The following MSH5 variants were observed in gnomAD, a reference collection of about 807,000 sequenced individuals.
MSH5 encodes the protein mutS protein homolog 5.
A neutral mutation model predicts 107.7 loss-of-function variants in MSH5; 78 were observed. The observed-to-expected ratio is 0.72, with a 90% CI of 0.60 to 0.87. The LOEUF (loss-of-function observed/expected upper bound fraction) is 0.87, where lower values mean the gene tolerates loss of function less well. Among genes scored for constraint, MSH5 ranks in the 40% least tolerant of loss-of-function variants. MSH5 has a pLI of 0.00. For missense variants in MSH5, 889 were observed against 1,046.6 expected, an observed-to-expected ratio of 0.85 and a Z score of 2.08; for synonymous variants, 326 against 399.5, an observed-to-expected ratio of 0.82 and a Z score of 2.19.
At chr6:31,756,319 ACACCAC>A (rs1298420075) in intron 12 of MSH5, among the ~76,000 whole-genome samples, 1 of 151,400 alleles carries the variant, frequency 6.6e-6, no homozygotes, top group African/African-American at 2.4e-5. Context: ...TTACAGGCGC[ACACCAC>A]CACGCCCAGC....
chr6:31,749,539 C>T (rs1809769128), intron 10 of MSH5, among the ~76,000 whole-genome samples: 1 of 149,600 alleles, frequency 6.7e-6, no homozygotes, highest in Admixed American at 6.7e-5. Flanking sequence ...GAGATTCTGT[C>T]TTAAAAAAAA....
Position 31,761,880 on chromosome 6 carries a change from T to C in MSH5, c.2244T>C (p.Val748=), listed in dbSNP as rs1454459787. The C allele has an allele frequency of 1.2e-6, 2 of 1,613,062 alleles. No individual in the cohort carries two copies. Among genetic ancestry groups the C allele is most frequent in the Non-Finnish European group, 8.5e-7 (1 of 1,179,994 alleles). ...LVFFYQVCEG[V]AKASHASHTA... is the part of the protein sequence containing the mutation. ...TCTTCTATCAGGTTTGCGAAGGTGTTGCGAAGGCCAGCCATGCCTCCCACA... is the reference window on the plus strand; with the variant it reads ...TCTTCTATCAGGTTTGCGAAGGTGTCGCGAAGGCCAGCCATGCCTCCCACA... Residue 748 remains valine, a synonymous_variant, in exon 23 of 25, where the codon GTT becomes GTC. Transcript: ENST00000375750. This position sits in a 1 kb window ranked among gnomAD's most constrained non-coding sequence, Gnocchi z 5.3.
intron 7 of MSH5, 89 bp from the exon 8 acceptor site, chr6:31,744,457 C>G: frequency 6.4e-7 from 1 of 1,561,876 alleles, no homozygotes; most frequent in South Asian, 1.1e-5. Context: ...GGGAAGAAGA[C>G]TGGGACAATA....
rs2151379127 is a variant in MSH5 at position 31,760,698 on chromosome 6, G to C, written c.1821G>C (p.Leu607Phe). 3.1e-6 allele frequency: 5 copies of C among 1,613,006 alleles called. No individual in the cohort carries two copies. In the East Asian group the frequency reaches 1.1e-4, roughly 36 times the overall value. ...TCTCCTTCCCTATTCAGGTAGGCTT[G>C]ATCACATTCATGGCCCTGGTAGGCA... is the stretch of plus-strand genomic sequence containing the variant. ...GKSIYLKQVG[L>F]ITFMALVGSF... Residue 607 changes from leucine to phenylalanine, a missense_variant, in exon 20 of 25, where the codon TTG becomes TTC. Physicochemically the swap from Leu to Phe is conservative, Grantham distance 22. Coordinates refer to ENST00000375750, the MANE Select transcript of MSH5 (RefSeq NM_172166.4). The surrounding 1 kb of genome is among the most constrained non-coding windows in gnomAD (Gnocchi z 5.6).
At chr6:31,748,376 T>G (rs1267320065) in intron 10 of MSH5, among the ~76,000 whole-genome samples, 3 of 149,844 alleles carry the variant, frequency 2.0e-5, no homozygotes, top group African/African-American at 7.4e-5. Context: ...GTGACTGAGT[T>G]TCGCTCTTGT....
At position 31,742,862 on chromosome 6, in the gene MSH5, T is replaced by C. The variant is rs946989083; in HGVS notation, c.272-15T>C. 1.2e-6 allele frequency: 2 copies of C among 1,612,358 alleles called. No individual in the cohort carries two copies. The highest frequency in any genetic ancestry group is 2.7e-5 in the African/African-American group (2 of 74,930). ...AAGATCCTTTAACTCATTTGATCTC[T>C]GTTCTCCTTCCAAGTTCTGGATGAG... On this transcript the variant is annotated splice_polypyrimidine_tract_variant and intron_variant, in intron 3 of 24. Coordinates refer to ENST00000375750, the MANE Select transcript of MSH5 (RefSeq NM_172166.4).
intron 12 of MSH5, chr6:31,757,890 G>A (rs536694172): frequency 1.8e-5 from 9 of 495,714 alleles, no homozygotes; most frequent in South Asian, 1.4e-4. Flanking sequence ...GGCTGATCTC[G>A]AACTCCTGAC....
chr6:31,749,557 T>C (rs965194799), intron 10 of MSH5, among the ~76,000 whole-genome samples: 44 of 151,334 alleles, frequency 2.9e-4, no homozygotes, highest in African/African-American at 1.0e-3. Context: ...AAAAAAAAAG[T>C]GCATCCTCTT....
At position 31,759,344 on chromosome 6, in the gene MSH5, C is replaced by A; in HGVS notation, c.1408-81C>A. 6.7e-7 allele frequency: 1 copy of A among 1,485,200 alleles called. No individual in the cohort carries two copies. The highest frequency in any genetic ancestry group is 9.4e-7 in the Non-Finnish European group (1 of 1,067,060). The allele number at this position is 1,485,200 out of a possible 1,614,324, so 92.0% of individuals were successfully genotyped here. On this transcript the variant is annotated intron_variant, in intron 16 of 24. Transcript: ENST00000375750. The surrounding 1 kb of genome is among the most constrained non-coding windows in gnomAD (Gnocchi z 4.7). ...AGGAAAGAGAAGTCAGAGTTAGGGG[C>A]TGGAGGTGGGGTTAGAAAGATGGGG...
chr6:31,741,403 G>C (rs1808890448), intron 3 of MSH5, 117 bp downstream of exon 3: 1 of 1,382,916 alleles, frequency 7.2e-7, no homozygotes, highest in Non-Finnish European at 9.8e-7. Context: ...TTTCTAGACA[G>C]AGTCTTGCTC....
rs143881609 is a variant in MSH5 at position 31,762,007 on chromosome 6, C to A, written c.2319+52C>A. 872 of 1,613,116 alleles carry A rather than the reference C, an allele frequency of 5.4e-4. 12 individuals are homozygous for A. The African/African-American group carries it at 0.01, about 19-fold the overall frequency. On this transcript the variant is annotated intron_variant, in intron 23 of 24. Transcript: ENST00000375750. ...CTCCACATCAGAGCTCCCTTTCATT[C>A]CTAGTCCTACTGGGCCTGGGTCTAG...
Position 31,759,684 on chromosome 6 carries a change from G to T in MSH5, c.1496-102G>T. The T allele has an allele frequency of 7.0e-7, 1 of 1,424,418 alleles. No homozygotes were observed. Among genetic ancestry groups the T allele is most frequent in the Non-Finnish European group, 9.7e-7 (1 of 1,033,800 alleles). The allele number at this position is 1,424,418 out of a possible 1,614,324, so 88.2% of individuals were successfully genotyped here. On this transcript the variant is annotated intron_variant, in intron 17 of 24. Coordinates refer to ENST00000375750, the MANE Select transcript of MSH5 (RefSeq NM_172166.4). The surrounding 1 kb of genome is among the most constrained non-coding windows in gnomAD (Gnocchi z 4.7). ...TTCCTCTGAATGTCTTGAGGTCTCAGATTGTATCTGCAACCTGTTTCCAGA... is the reference window on the plus strand; with the variant it reads ...TTCCTCTGAATGTCTTGAGGTCTCATATTGTATCTGCAACCTGTTTCCAGA...
rs1320234771 is a variant in MSH5 at position 31,759,638 on chromosome 6, C to A, written c.1495+126C>A. On this transcript the variant is annotated intron_variant, in intron 17 of 24. Transcript: ENST00000375750. The surrounding 1 kb of genome is among the most constrained non-coding windows in gnomAD (Gnocchi z 4.7). ...CCCCTCCTCTTCCTGCTCTCTGTCT[C>A]GCTCACTCTGACTCTATCTTTTCCT... is the stretch of plus-strand genomic sequence containing the variant. 7.5e-7 allele frequency: 1 copy of A among 1,339,928 alleles called. No individual in the cohort carries two copies. Among genetic ancestry groups the A allele is most frequent in the East Asian group, 2.4e-5 (1 of 42,342 alleles). The allele number at this position is 1,339,928 out of a possible 1,614,324, so 83.0% of individuals were successfully genotyped here.
At chr6:31,756,084 C>G (rs1810422873) in intron 12 of MSH5, among the ~76,000 whole-genome samples, 1 of 151,062 alleles carries the variant, frequency 6.6e-6, no homozygotes, top group Non-Finnish European at 1.5e-5. Flanking sequence ...AGTAGAGGAA[C>G]ATAATGTCTG....
At position 31,758,701 on chromosome 6, in the gene MSH5, G is replaced by A; in HGVS notation, c.1217-65G>A. On this transcript the variant is annotated intron_variant, in intron 14 of 24. Coordinates refer to ENST00000375750, the MANE Select transcript of MSH5 (RefSeq NM_172166.4). The surrounding 1 kb of genome is among the most constrained non-coding windows in gnomAD (Gnocchi z 5.1). ...CTTGGCAGGTGGTCACCACAGCTGG[G>A]GATCTTCATAGCAACCAGGGCAGGA... 1.2e-6 allele frequency: 2 copies of A among 1,609,460 alleles called. No individual in the cohort carries two copies. The highest frequency in any genetic ancestry group is 8.5e-7 in the Non-Finnish European group (1 of 1,175,892).
intron 10 of MSH5, among the ~76,000 whole-genome samples, chr6:31,748,797 T>A (rs1050309657): frequency 6.6e-6 from 1 of 152,162 alleles, no homozygotes; most frequent in Non-Finnish European, 1.5e-5. Flanking sequence ...CAGACTCACC[T>A]TCCAAAGCCC....
Position 31,761,107 on chromosome 6 carries a change from G to T in MSH5, c.1963-81G>T. On this transcript the variant is annotated intron_variant, in intron 20 of 24. Coordinates refer to ENST00000375750, the MANE Select transcript of MSH5 (RefSeq NM_172166.4). The surrounding 1 kb of genome is among the most constrained non-coding windows in gnomAD (Gnocchi z 5.3). Reference sequence around the variant, plus strand: ...GTGCAGTAGGGAGGGCATGTATACAGCTTTATTCACAGGCCAACTGTGGTC... The same window carrying T: ...GTGCAGTAGGGAGGGCATGTATACATCTTTATTCACAGGCCAACTGTGGTC... 7.2e-7 allele frequency: 1 copy of T among 1,389,176 alleles called. No individual in the cohort carries two copies. The highest frequency in any genetic ancestry group is 2.4e-5 in the East Asian group (1 of 41,560). 86.1% of individuals were successfully genotyped at this position (1,389,176 alleles called of 1,614,324 possible). A position where few individuals can be genotyped will look rare whatever the true frequency, so the allele number is the denominator to read the frequency against.
chr6:31,761,826 G>A lies in MSH5; in HGVS notation c.2190G>A (p.Glu730=), dbSNP rs772538587. 2 of 1,613,062 alleles carry A rather than the reference G, an allele frequency of 1.2e-6. No individual in the cohort carries two copies. The highest frequency in any genetic ancestry group is 4.5e-5 in the East Asian group (2 of 44,876). ...QGPLVQYLTM[E]TCEDGNDLVF... The stretch of plus-strand genomic sequence containing the variant: ...TTTTATTCTCTTTTAAGACCATGGA[G>A]ACCTGTGAGGATGGCAACGATCTTG... The change falls in exon 23 of 25, where the codon GAG becomes GAA. Residue 730 remains glutamate, a synonymous_variant. Coordinates refer to ENST00000375750, the MANE Select transcript of MSH5 (RefSeq NM_172166.4). The surrounding 1 kb of genome is among the most constrained non-coding windows in gnomAD (Gnocchi z 5.3).
At position 31,760,860 on chromosome 6, in the gene MSH5, G is replaced by A; in HGVS notation, c.1962+21G>A. The A allele has an allele frequency of 6.2e-7, 1 of 1,607,618 alleles. No homozygotes were observed. Among genetic ancestry groups the A allele is most frequent in the Non-Finnish European group, 8.5e-7 (1 of 1,176,396 alleles). The stretch of plus-strand genomic sequence containing the variant: ...ACCAGGTCAAAGGGAACAAAGGGAG[G>A]TGGGATTGAGGAAGGGGATAATGGG... On this transcript the variant is annotated intron_variant, in intron 20 of 24. Coordinates refer to ENST00000375750, the MANE Select transcript of MSH5 (RefSeq NM_172166.4). The surrounding 1 kb of genome is among the most constrained non-coding windows in gnomAD (Gnocchi z 5.6).
Sources: allele counts gnomAD v4.1 joint callset (sites outside exome capture counted in the v4.1 genomes callset), GRCh38; gene constraint gnomAD v4.1.1; non-coding constraint Gnocchi (gnomAD v3.1); transcripts MANE v1.5; gene names NCBI Gene and HGNC (gene_info 2026-07-23, HGNC 2026-07-21).